WWOX: variants seen among roughly 807,000 people sequenced by gnomAD.
The protein encoded by WWOX is WW domain containing oxidoreductase, also known as WW domain-containing oxidoreductase.
A neutral mutation model predicts 46.2 loss-of-function variants in WWOX; 69 were observed. That is an observed-to-expected ratio of 1.49 (90% CI 1.23 to 1.82). The LOEUF (loss-of-function observed/expected upper bound fraction) is 1.82, where lower values mean the gene tolerates loss of function less well. Among genes scored for constraint, WWOX ranks in the 40% most tolerant of loss-of-function variants. The pLI is 0.00. For synonymous variants in WWOX, 359 were observed against 202.6 expected (o/e 1.77, Z -6.56); for missense variants, 919 against 542.6 (o/e 1.69, Z -6.89).
intron 8 of WWOX, among the ~76,000 whole-genome samples, chr16:78,523,567 A>G (rs1437932412): frequency 1.3e-5 from 2 of 152,198 alleles, no homozygotes; most frequent in Admixed American, 6.5e-5. Flanking sequence ...TTGCCAGTGG[A>G]CAGTCTGATG....
intron 8 of WWOX, among the ~76,000 whole-genome samples, chr16:78,741,577 G>A (rs57612022): frequency 0.022 from 3,326 of 149,010 alleles, 107 homozygotes; most frequent in African/African-American, 0.077. Flanking sequence ...ATATCTGGCT[G>A]GGCACAGTGG....
At chr16:78,791,018 CAAAAAA>C (rs775592585) in intron 8 of WWOX, among the ~76,000 whole-genome samples, 12 of 62,440 alleles carry the variant, frequency 1.9e-4, no homozygotes, top group South Asian at 1.6e-3. Context: ...GACCCTGTCT[CAAAAAA>C]AAAAAAAAAA....
chr16:78,878,305 A>T (rs906843915), intron 8 of WWOX, among the ~76,000 whole-genome samples: 6 of 152,178 alleles, frequency 3.9e-5, no homozygotes, highest in Non-Finnish European at 8.8e-5. Flanking sequence ...ATGGCCTAGC[A>T]TGACATTGGG....
At chr16:78,838,653 C>A (rs755613320) in intron 8 of WWOX, among the ~76,000 whole-genome samples, 3 of 152,078 alleles carry the variant, frequency 2.0e-5, no homozygotes, top group Non-Finnish European at 4.4e-5. Flanking sequence ...ACCAGCCTGA[C>A]CAATATAGTG....
At chr16:78,260,886 G>A (rs1480679646) in intron 5 of WWOX, among the ~76,000 whole-genome samples, 5 of 139,218 alleles carry the variant, frequency 3.6e-5, no homozygotes, top group Non-Finnish European at 7.6e-5. Context: ...GCAGTGAGCC[G>A]AGATCACACC....
In WWOX at chr16:78,216,441, G is replaced by A. The variant is rs1330742169; in HGVS notation, c.516+52152G>A. ...CACAAATGTATTGTCTTTCAGTTCT[G>A]TAAGATAGAAGTCCTACAGGGTTCT... On this transcript the variant is annotated intron_variant, in intron 5 of 8. Coordinates refer to ENST00000566780, the MANE Select transcript of WWOX (RefSeq NM_016373.4). Among the ~76,000 whole-genome samples the A allele has an allele frequency of 1.3e-5, 2 of 152,152 alleles. 1 individual carries two copies. The highest frequency in any genetic ancestry group is 2.9e-5 in the Non-Finnish European group (2 of 68,032).
chr16:78,379,999 G>A (rs4243156), intron 5 of WWOX, among the ~76,000 whole-genome samples: 117,756 of 152,148 alleles, frequency 0.77, 46,513 homozygotes, highest in African/African-American at 0.84. Context: ...GTGTTAATGA[G>A]TACATGAATT....
At chr16:78,778,057 A>G (rs1212979452) in intron 8 of WWOX, among the ~76,000 whole-genome samples, 1 of 151,962 alleles carries the variant, frequency 6.6e-6, no homozygotes, top group Non-Finnish European at 1.5e-5. Flanking sequence ...AAAAAAAAAA[A>G]AAAAAAAGAC....
chr16:78,836,290 A>C (rs1017979046), intron 8 of WWOX, among the ~76,000 whole-genome samples: 1 of 152,020 alleles, frequency 6.6e-6, no homozygotes, highest in African/African-American at 2.4e-5. Flanking sequence ...CTAGGGAGGG[A>C]CAACTGGCAG....
At chr16:78,719,585 A>G (rs531121569) in intron 8 of WWOX, among the ~76,000 whole-genome samples, 211 of 152,352 alleles carry the variant, frequency 1.4e-3, no homozygotes, top group Non-Finnish European at 2.5e-3. Context: ...CTTAAAAGAA[A>G]AGAGACCCCT....
At chr16:78,821,018 C>T (rs370247586) in intron 8 of WWOX, among the ~76,000 whole-genome samples, 2 of 152,176 alleles carry the variant, frequency 1.3e-5, no homozygotes, top group Admixed American at 6.5e-5. Context: ...TCATCTCATT[C>T]CTTATCTTAA....
chr16:78,866,593 A>C (rs2044008993), intron 8 of WWOX, among the ~76,000 whole-genome samples: 1 of 152,232 alleles, frequency 6.6e-6, no homozygotes, highest in South Asian at 2.1e-4. Flanking sequence ...TTAAGTGTTC[A>C]GGGCCACCAA....
intron 8 of WWOX, among the ~76,000 whole-genome samples, chr16:78,621,982 C>T (rs1381022109): frequency 6.6e-6 from 1 of 152,040 alleles, no homozygotes; most frequent in Non-Finnish European, 1.5e-5. Flanking sequence ...TGTTTTAGTG[C>T]TCCTGGATGT....
At position 78,099,767 on chromosome 16, in the gene WWOX, CCA is replaced by C; in HGVS notation, c.-9_-8del. ...CGGGCGATAGGGGGGCCAGGTGCCT[CCA>C]CAGTCAGCCATGGCAGCGCTGCGCT... On this transcript the variant is annotated 5_prime_UTR_variant, in exon 1 of 9. Coordinates refer to ENST00000566780, the MANE Select transcript of WWOX (RefSeq NM_016373.4). The C allele has an allele frequency of 6.5e-7, 1 of 1,537,274 alleles. No homozygotes were observed. The highest frequency in any genetic ancestry group is 8.8e-7 in the Non-Finnish European group (1 of 1,142,452).
chr16:78,298,397 T>G (rs978583170), intron 5 of WWOX, among the ~76,000 whole-genome samples: 1 of 152,078 alleles, frequency 6.6e-6, no homozygotes, highest in Admixed American at 6.5e-5. Context: ...CAGATAGACA[T>G]GGGTTTGTAT....
intron 8 of WWOX, among the ~76,000 whole-genome samples, chr16:78,862,373 A>G (rs1443636726): frequency 2.0e-5 from 3 of 151,372 alleles, no homozygotes; most frequent in Non-Finnish European, 4.4e-5. Context: ...ACTATAGTAT[A>G]TAGAGTATAC....
chr16:79,122,063 C>T (rs2049645294), intron 8 of WWOX, among the ~76,000 whole-genome samples: 1 of 152,112 alleles, frequency 6.6e-6, no homozygotes, highest in South Asian at 2.1e-4. Context: ...TGTGCACACG[C>T]ATGTAGGGTG....
At chr16:78,282,035 A>C (rs2079687992) in intron 5 of WWOX, among the ~76,000 whole-genome samples, 1 of 152,180 alleles carries the variant, frequency 6.6e-6, no homozygotes, top group Non-Finnish European at 1.5e-5. Context: ...CCTTGGCCCA[A>C]AAGCCACAGG....
At chr16:78,236,294 G>A (rs2037435257) in intron 5 of WWOX, among the ~76,000 whole-genome samples, 1 of 152,232 alleles carries the variant, frequency 6.6e-6, no homozygotes, top group Admixed American at 6.5e-5. Flanking sequence ...CTCAGCAAAT[G>A]CTAGTTTCCT....
Sources: allele counts gnomAD v4.1 joint callset (sites outside exome capture counted in the v4.1 genomes callset), GRCh38; gene constraint gnomAD v4.1.1; transcripts MANE v1.5; gene names NCBI Gene and HGNC (gene_info 2026-07-23, HGNC 2026-07-21).